GRAP2: variants seen among roughly 807,000 people sequenced by gnomAD.
GRAP2 encodes the protein GRB2-related adapter protein 2.
GRAP2 carries 31 observed loss-of-function variants against 43.5 expected under a neutral mutation model. The observed-to-expected ratio is 0.71, with a 90% CI of 0.54 to 0.96. GRAP2 has a LOEUF of 0.96. GRAP2 is among the 40% of genes least tolerant of loss of function. The pLI is 0.00. For missense variants in GRAP2, 371 were observed against 424.4 expected, an observed-to-expected ratio of 0.87 and a Z score of 1.11; for synonymous variants, 156 against 164.8, an observed-to-expected ratio of 0.95 and a Z score of 0.41.
chr22:39,915,188 C>CAAAAA (rs71326789), intron 1 of GRAP2, among the ~76,000 whole-genome samples: 3 of 56,756 alleles, frequency 5.3e-5, no homozygotes, highest in Admixed American at 2.2e-4. Flanking sequence ...GACTCCATCT[C>CAAAAA]AAAAAAAAAA....
rs1488265097 is a variant in GRAP2, at chr22:39,960,132, G to A, written c.248G>A (p.Arg83Gln). 1.9e-6 allele frequency: 3 copies of A among 1,613,244 alleles called. No individual in the cohort carries two copies. Among genetic ancestry groups the A allele is most frequent in the Non-Finnish European group, 2.5e-6 (3 of 1,179,202 alleles). Reference sequence around the variant, plus strand: ...AAGGAGGTTGGCTTCTTCATCATCCGGGCCAGCCAGAGCTCCCCAGGGGAC... The same window carrying A: ...AAGGAGGTTGGCTTCTTCATCATCCAGGCCAGCCAGAGCTCCCCAGGGGAC... ...MGKEVGFFII[R>Q]ASQSSPGDFS... Residue 83 changes from arginine to glutamine, a missense_variant, in exon 4 of 8, where the codon CGG (arginine) becomes CAG (glutamine). Coordinates refer to ENST00000344138, the MANE Select transcript of GRAP2 (RefSeq NM_004810.4).
upstream of GRAP2, among the ~76,000 whole-genome samples, chr22:39,899,432 T>C (rs1337043527): frequency 6.6e-6 from 1 of 152,162 alleles, no homozygotes; most frequent in Non-Finnish European, 1.5e-5. Flanking sequence ...TATCAAAGAA[T>C]AAGGACTGTA....
chr22:39,948,316 CCTGT>C (rs1410430252), intron 2 of GRAP2: 4 of 152,058 alleles, frequency 2.6e-5, no homozygotes, highest in Non-Finnish European at 5.9e-5. Flanking sequence ...CCCAGGAAAA[CCTGT>C]CTGTCACTGC....
intron 2 of GRAP2, among the ~76,000 whole-genome samples, chr22:39,951,812 A>T (rs3021227): frequency 0.15 from 22,255 of 151,106 alleles, 2,042 homozygotes; most frequent in African/African-American, 0.26. Context: ...AATTTTTTTT[A>T]AAAAAAAACC....
At chr22:39,908,071 C>T (rs2066535526) in intron 1 of GRAP2, among the ~76,000 whole-genome samples, 1 of 152,196 alleles carries the variant, frequency 6.6e-6, no homozygotes, top group Non-Finnish European at 1.5e-5. Context: ...ACCTAACTTC[C>T]CTGAGCTTCA....
Position 39,951,016 on chromosome 22 carries a change from A to C in GRAP2, c.78+3832A>C, listed in dbSNP as rs2066976764. Reference sequence around the variant, plus strand: ...CATTAGAAAGGTACAAAAAAGTCTGAGCAGCCACCCACCCTCAACAGACCA... The same window carrying C: ...CATTAGAAAGGTACAAAAAAGTCTGCGCAGCCACCCACCCTCAACAGACCA... On this transcript the variant is annotated intron_variant, in intron 2 of 7. Transcript: ENST00000344138. 2.6e-5 allele frequency among the ~76,000 whole-genome samples: 4 copies of C among 152,362 alleles called. 1 individual carries two copies. The highest frequency in any genetic ancestry group is 2.6e-4 in the Admixed American group (4 of 15,312).
chr22:39,907,772 C>T (rs1039633360), intron 1 of GRAP2, among the ~76,000 whole-genome samples: 5 of 152,250 alleles, frequency 3.3e-5, no homozygotes, highest in Non-Finnish European at 2.9e-5. Flanking sequence ...AAAAGAGTTG[C>T]CATTATCTTG....
At chr22:39,924,812 C>T (rs1212796978) in intron 1 of GRAP2, among the ~76,000 whole-genome samples, 1 of 152,186 alleles carries the variant, frequency 6.6e-6, no homozygotes, top group African/African-American at 2.4e-5. Flanking sequence ...GGCTGGGTTC[C>T]CATCCTCTGG....
chr22:39,940,848 G>C (rs1407619642), intron 1 of GRAP2, among the ~76,000 whole-genome samples: 1 of 152,202 alleles, frequency 6.6e-6, no homozygotes, highest in South Asian at 2.1e-4. Context: ...AAATTGATGC[G>C]CCTTAAAACT....
chr22:39,944,499 A>G (rs924385968), intron 1 of GRAP2, among the ~76,000 whole-genome samples: 2 of 152,030 alleles, frequency 1.3e-5, no homozygotes, highest in Non-Finnish European at 1.5e-5. Flanking sequence ...GAGCAAACAA[A>G]TTTTTTCAAA....
intron 1 of GRAP2, among the ~76,000 whole-genome samples, chr22:39,942,920 A>G (rs1055938127): frequency 6.6e-6 from 1 of 152,242 alleles, no homozygotes; most frequent in Non-Finnish European, 1.5e-5. Flanking sequence ...CTGAATTACA[A>G]CATAAACTGG....
At chr22:39,960,243 G>C in intron 4 of GRAP2, 69 bp downstream of exon 4, 1 of 1,465,298 alleles carries the variant, frequency 6.8e-7, no homozygotes. Context: ...CTGAAGCCAT[G>C]AAGGGACCTC....
At chr22:39,946,833 G>A (rs1317774727) in intron 1 of GRAP2, 2 of 402,584 alleles carry the variant, frequency 5.0e-6, no homozygotes, top group African/African-American at 4.1e-5. Flanking sequence ...GAAAGGAGAA[G>A]GGAAAGGCTG....
chr22:39,963,268 G>A (rs887491592), intron 4 of GRAP2, among the ~76,000 whole-genome samples: 12 of 152,112 alleles, frequency 7.9e-5, no homozygotes, highest in African/African-American at 1.2e-4. Flanking sequence ...GCCCTGAGTC[G>A]CATCCTTTCC....
rs552670032 is a variant in GRAP2 at position 39,939,379 on chromosome 22, G to A, written c.-14-7714G>A. ...AGATCGAGACCATCCTGGCCAACACGGTGAAACCCCATCTCTACTAAAAAT... is the reference window on the plus strand; with the variant it reads ...AGATCGAGACCATCCTGGCCAACACAGTGAAACCCCATCTCTACTAAAAAT... On this transcript the variant is annotated intron_variant, in intron 1 of 7. Transcript: ENST00000344138. Among the ~76,000 whole-genome samples, 25 of 152,114 alleles carry A rather than the reference G, an allele frequency of 1.6e-4. No homozygotes were observed. In the South Asian group the frequency reaches 2.9e-3, roughly 18 times the overall value.
rs376953882 is a variant in GRAP2, at chr22:39,929,082, A to G, written c.-14-18011A>G. Among the ~76,000 whole-genome samples, 6 of 152,192 alleles carry G rather than the reference A, an allele frequency of 3.9e-5. No individual in the cohort carries two copies. In the East Asian group the frequency reaches 1.2e-3, roughly 29 times the overall value. ...CTCACAGATTTTTATGTTTTTTACTAAGGATACTTCCTGCTAGGAAGTTGT... is the reference window on the plus strand; with the variant it reads ...CTCACAGATTTTTATGTTTTTTACTGAGGATACTTCCTGCTAGGAAGTTGT... On this transcript the variant is annotated intron_variant, in intron 1 of 7. Transcript: ENST00000344138.
intron 1 of GRAP2, among the ~76,000 whole-genome samples, chr22:39,945,125 G>A (rs1466865155): frequency 6.6e-6 from 1 of 152,236 alleles, no homozygotes; most frequent in East Asian, 1.9e-4. Context: ...ACTCCTTCCT[G>A]TTGAGTGGGT....
At chr22:39,964,715 T>TTAAA (rs528777372) in intron 4 of GRAP2, 4 of 308,560 alleles carry the variant, frequency 1.3e-5, no homozygotes, top group African/African-American at 7.6e-5. Context: ...TAAACTTTTG[T>TTAAA]AAAAAAAAAA....
At chr22:39,921,936 C>G (rs981695125) in intron 1 of GRAP2, among the ~76,000 whole-genome samples, 1 of 149,024 alleles carries the variant, frequency 6.7e-6, no homozygotes, top group African/African-American at 2.6e-5. Context: ...CTCCCCAAAA[C>G]TTCTTATTCT....
Sources: gnomAD v4.1 joint callset for allele counts (sites outside exome capture counted in the v4.1 genomes callset) on GRCh38, gnomAD v4.1.1 for gene constraint, MANE v1.5 for transcripts, NCBI Gene and HGNC (gene_info 2026-07-23, HGNC 2026-07-21) for gene names.